TTC23L: variants seen among roughly 807,000 people sequenced by gnomAD.
The protein encoded by TTC23L is tetratricopeptide repeat protein 23-like.
A neutral mutation model predicts 48.1 loss-of-function variants in TTC23L; 42 were observed. The observed-to-expected ratio is 0.87, with a 90% confidence interval of 0.68 to 1.13. TTC23L has a LOEUF of 1.13. Ranked by LOEUF, TTC23L falls within the 50% of genes most tolerant of loss-of-function variation. The pLI is 0.00. For missense variants in TTC23L, 391 were observed against 421.0 expected, an observed-to-expected ratio of 0.93 and a Z score of 0.62; for synonymous variants, 159 against 157.2, an observed-to-expected ratio of 1.01 and a Z score of -0.09.
At chr5:34,867,069 G>A (rs759016968) in exon 7 of TTC23L, 1 of 1,608,724 alleles carries the variant, frequency 6.2e-7, no homozygotes, top group South Asian at 1.1e-5. Flanking sequence ...ACTTGCAGCA[G>A]GTCAGTGGGT....
chr5:34,907,599 A>T, the TTC23L span: 1 of 152,192 alleles, frequency 6.6e-6, no homozygotes, highest in Non-Finnish European at 1.5e-5. Flanking sequence ...TCACTTAATA[A>T]CTGGTTTTCT....
At chr5:34,862,795 C>T (rs890624698) in intron 4 of TTC23L, 103 bp from the exon 5 acceptor site, 11 of 1,362,482 alleles carry the variant, frequency 8.1e-6, no homozygotes, top group African/African-American at 7.2e-5. Flanking sequence ...ATAGACCATA[C>T]GACAACTGCA....
chr5:34,839,578 T>A (rs1393503600), intron 1 of TTC23L: 1 of 965,130 alleles, frequency 1.0e-6, no homozygotes, highest in Non-Finnish European at 1.2e-6. Flanking sequence ...GGGCATAGTG[T>A]TTAAAGTGGA....
intron 8 of TTC23L, among the ~76,000 whole-genome samples, chr5:34,875,292 C>T (rs1229151589): frequency 1.3e-5 from 2 of 152,078 alleles, no homozygotes. Flanking sequence ...TCAGGGTTCT[C>T]TAGAGGGACA....
chr5:34,880,989 G>A (rs899083464), intron 9 of TTC23L, among the ~76,000 whole-genome samples: 2 of 152,120 alleles, frequency 1.3e-5, no homozygotes, highest in African/African-American at 4.8e-5. Context: ...GTTGTGTAAT[G>A]TTATGGTTCC....
chr5:34,925,130 C>A, the TTC23L span: 1 of 1,439,778 alleles, frequency 6.9e-7, no homozygotes, highest in East Asian at 2.5e-5. Context: ...ATGACACTGG[C>A]TGAAAGGATA....
intron 8 of TTC23L, 59 bp downstream of exon 8, chr5:34,869,072 C>A: frequency 7.5e-7 from 1 of 1,334,514 alleles, no homozygotes; most frequent in Non-Finnish European, 1.1e-6. Context: ...AGCACATTGG[C>A]AAACAGCCTA....
the TTC23L span, chr5:34,908,924 G>C: frequency 7.5e-6 from 12 of 1,607,596 alleles, no homozygotes; most frequent in Non-Finnish European, 1.0e-5. Flanking sequence ...CCTTTGTAGA[G>C]GGTTTCAGTA....
chr5:34,862,806 C>G lies in TTC23L; in HGVS notation c.380-92C>G, dbSNP rs1760776461. On this transcript the variant is annotated intron_variant, in intron 4 of 10. Transcript: ENST00000505624. ...TGCTATAGACCATACGACAACTGCA[C>G]TGCCCACTTTATCCCCTCCCAGGAA... 4.1e-6 allele frequency: 6 copies of G among 1,476,796 alleles called. No individual in the cohort carries two copies. In the Admixed American group the frequency reaches 7.5e-5, roughly 18 times the overall value. 91.5% of individuals were successfully genotyped at this position (1,476,796 alleles called of 1,614,324 possible). A position where few individuals can be genotyped will look rare whatever the true frequency, so the allele number is the denominator to read the frequency against.
chr5:34,924,316 C>G, the TTC23L span, among the ~76,000 whole-genome samples: 3 of 152,338 alleles, frequency 2.0e-5, no homozygotes, highest in Admixed American at 2.0e-4. Flanking sequence ...TTGAACACAT[C>G]ATCCTAACCT....
Position 34,863,159 on chromosome 5 carries a change from A to T in TTC23L, c.536+105A>T. ...GTGGGAGATGGAACCAAGGCCTTGT[A>T]GATCTGTTCCAACATCAAGGCCCTC... On this transcript the variant is annotated intron_variant, in intron 5 of 10. Coordinates refer to ENST00000505624, the Ensembl canonical transcript of TTC23L. This position sits in a 1 kb window ranked among gnomAD's most constrained non-coding sequence, Gnocchi z 4.1. 6.9e-7 allele frequency: 1 copy of T among 1,450,946 alleles called. No homozygotes were observed. 89.9% of individuals were successfully genotyped at this position (1,450,946 alleles called of 1,614,324 possible). A position where few individuals can be genotyped will look rare whatever the true frequency, so the allele number is the denominator to read the frequency against.
chr5:34,885,615 A>C (rs1762494451), intron 9 of TTC23L, among the ~76,000 whole-genome samples: 1 of 152,088 alleles, frequency 6.6e-6, no homozygotes, highest in Admixed American at 6.6e-5. Flanking sequence ...TGAGCAGAGT[A>C]GTGCACAACT....
chr5:34,840,420 G>C (rs1317632607), intron 1 of TTC23L, among the ~76,000 whole-genome samples: 1 of 152,186 alleles, frequency 6.6e-6, no homozygotes, highest in East Asian at 1.9e-4. Flanking sequence ...GAGACATAAA[G>C]GCCAGGGATT....
chr5:34,872,895 T>C (rs1561143237), intron 8 of TTC23L, among the ~76,000 whole-genome samples: 1 of 152,008 alleles, frequency 6.6e-6, no homozygotes, highest in Admixed American at 6.5e-5. Flanking sequence ...AAACCGCGTT[T>C]CTACTAAAAA....
intron 4 of TTC23L, among the ~76,000 whole-genome samples, chr5:34,850,588 G>A (rs566617277): frequency 6.6e-6 from 1 of 152,326 alleles, no homozygotes; most frequent in African/African-American, 2.4e-5. Context: ...AGTAACCTCA[G>A]TTTATGGATG....
intron 9 of TTC23L, among the ~76,000 whole-genome samples, chr5:34,889,102 A>C (rs1305336467): frequency 2.0e-5 from 3 of 152,308 alleles, no homozygotes; most frequent in African/African-American, 7.2e-5. Flanking sequence ...TGTTTGTCTC[A>C]GAATAGTATT....
rs1761224372 is a variant in TTC23L, at chr5:34,868,537, T to C, written c.841-368T>C. The C allele has an allele frequency of 1.7e-5, 3 of 175,398 alleles. No individual in the cohort carries two copies. The South Asian group carries it at 4.2e-4, about 25-fold the overall frequency. The allele number at this position is 175,398 out of a possible 1,614,324, so 10.9% of individuals were successfully genotyped here. ...CAACTTTTTATAACAAATACTATTC[T>C]TATTATCCCTGATTTACATTTACAA... On this transcript the variant is annotated intron_variant, in intron 7 of 10. Transcript: ENST00000505624.
downstream of TTC23L, among the ~76,000 whole-genome samples, chr5:34,900,663 T>C (rs957837178): frequency 6.6e-6 from 1 of 152,230 alleles, no homozygotes; most frequent in Non-Finnish European, 1.5e-5. Context: ...AATTCAGCTT[T>C]TTCTTGTAAT....
At chr5:34,886,403 CTT>C (rs1340779287) in intron 9 of TTC23L, among the ~76,000 whole-genome samples, 2 of 147,910 alleles carry the variant, frequency 1.4e-5, no homozygotes, top group Admixed American at 1.4e-4. Flanking sequence ...CCTCAGGAGG[CTT>C]ACAGACTGCT....
Sources: allele counts gnomAD v4.1 joint callset (sites outside exome capture counted in the v4.1 genomes callset), GRCh38; gene constraint gnomAD v4.1.1; non-coding constraint Gnocchi (gnomAD v3.1); transcripts MANE v1.5; gene names NCBI Gene and HGNC (gene_info 2026-07-23, HGNC 2026-07-21).